The following SDK2 variants were observed in gnomAD, a reference collection of about 807,000 sequenced individuals.
SDK2 encodes the protein protein sidekick-2.
Under a neutral mutation model 253.9 loss-of-function variants are expected in SDK2, and 105 were observed. That is an observed-to-expected ratio of 0.41 (90% CI 0.35 to 0.49). SDK2 has a LOEUF of 0.49. SDK2 is among the 20% of genes least tolerant of loss of function. The pLI is 0.06. For missense variants in SDK2, 2,608 were observed against 3,003.0 expected (o/e 0.87, Z 3.07); for synonymous variants, 1,249 against 1,234.9 (o/e 1.01, Z -0.24).
rs944595515 is a variant in SDK2, at chr17:73,466,721, C to G, written c.331+5391G>C. 2.4e-4 allele frequency among the ~76,000 whole-genome samples: 35 copies of G among 146,222 alleles called. 2 individuals carry two copies. The highest frequency in any genetic ancestry group is 7.8e-4 in the African/African-American group (31 of 39,496). On this transcript the variant is annotated intron_variant, in intron 3 of 44. Transcript: ENST00000392650. Reference sequence around the variant, plus strand: ...TTTGGAGGCTCTGGGGAACGCCCCCCCCCCCCGGCTTAGGCTCTGCATCTT... The same window carrying G: ...TTTGGAGGCTCTGGGGAACGCCCCCGCCCCCCGGCTTAGGCTCTGCATCTT...
Position 73,348,653 on chromosome 17 carries a change from G to A in SDK2, c.6111C>T (p.Ile2037=), listed in dbSNP as rs1384197144. 2 of 1,613,040 alleles carry A rather than the reference G, an allele frequency of 1.2e-6. No individual in the cohort carries two copies. The highest frequency in any genetic ancestry group is 8.5e-7 in the Non-Finnish European group (1 of 1,179,850). ...CCGTCAGGCTGCTGCTCTCTGCAGG[G>A]ATGAGGTCGTTGTATTTGGTGACAT... ...DEDVTKYNDL[I]PAESSSLTEK... is the part of the protein sequence containing the mutation. The change falls in exon 44 of 45, where the codon ATC becomes ATT. Residue 2037 remains isoleucine, a synonymous_variant. Coordinates refer to ENST00000392650, the MANE Select transcript of SDK2 (RefSeq NM_001144952.2).
At chr17:73,487,009 C>T (rs2063773508) in intron 2 of SDK2, among the ~76,000 whole-genome samples, 1 of 152,208 alleles carries the variant, frequency 6.6e-6, no homozygotes, top group Non-Finnish European at 1.5e-5. Context: ...TCTCGGCTCA[C>T]TGCAACCTCT....
intron 1 of SDK2, among the ~76,000 whole-genome samples, chr17:73,576,167 A>T (rs2045456581): frequency 6.6e-6 from 1 of 152,206 alleles, no homozygotes. Context: ...AGATGATGAA[A>T]TCATGAGGAT....
At chr17:73,539,725 G>A (rs1387755313) in intron 1 of SDK2, among the ~76,000 whole-genome samples, 1 of 152,214 alleles carries the variant, frequency 6.6e-6, no homozygotes, top group Non-Finnish European at 1.5e-5. Context: ...TCTTTGCAGA[G>A]GTAATCAAGT....
At chr17:73,490,204 G>A (rs1033206092) in intron 2 of SDK2, among the ~76,000 whole-genome samples, 1 of 152,178 alleles carries the variant, frequency 6.6e-6, no homozygotes, top group African/African-American at 2.4e-5. Flanking sequence ...ACCTGTTTTT[G>A]GAGTGCCCCT....
chr17:73,512,472 G>A (rs925896357), intron 1 of SDK2, among the ~76,000 whole-genome samples: 1 of 151,964 alleles, frequency 6.6e-6, no homozygotes, highest in Admixed American at 6.6e-5. Context: ...GAGAAGGAAG[G>A]AGAATTGTGG....
chr17:73,396,607 T>A (rs2062972858), intron 24 of SDK2, among the ~76,000 whole-genome samples: 1 of 152,240 alleles, frequency 6.6e-6, no homozygotes, highest in African/African-American at 2.4e-5. Flanking sequence ...GGGGCTTAAG[T>A]GCAAGTTCCT....
At chr17:73,402,325 G>A (rs549034068) in intron 18 of SDK2, among the ~76,000 whole-genome samples, 184 bp from the exon 19 acceptor site, 11 of 152,352 alleles carry the variant, frequency 7.2e-5, no homozygotes, top group African/African-American at 2.4e-4. Context: ...ACTTTGGGGC[G>A]CTTCTCCACT....
chr17:73,346,175 T>C (rs1599468462), intron 44 of SDK2, among the ~76,000 whole-genome samples: 1 of 148,252 alleles, frequency 6.7e-6, no homozygotes, highest in Non-Finnish European at 1.5e-5. Context: ...ACCATCATAC[T>C]CCAGCCTAGG....
At chr17:73,630,837 G>A (rs2046259868) in intron 1 of SDK2, among the ~76,000 whole-genome samples, 1 of 151,976 alleles carries the variant, frequency 6.6e-6, no homozygotes, top group Admixed American at 6.6e-5. Flanking sequence ...GCTTGCCTTT[G>A]CCCAAGGCCC....
chr17:73,412,681 C>T (rs1009941687), intron 18 of SDK2, among the ~76,000 whole-genome samples: 2 of 151,968 alleles, frequency 1.3e-5, no homozygotes, highest in African/African-American at 4.8e-5. Context: ...TCTGGGAGGC[C>T]GAGGCAGTCG....
chr17:73,533,160 G>A (rs925346608), intron 1 of SDK2, among the ~76,000 whole-genome samples: 2 of 152,172 alleles, frequency 1.3e-5, no homozygotes, highest in Non-Finnish European at 1.5e-5. Context: ...GCCCAGAGAG[G>A]TCCCCTCATC....
intron 2 of SDK2, among the ~76,000 whole-genome samples, chr17:73,493,171 T>C (rs2063819067): frequency 7.0e-6 from 1 of 142,976 alleles, no homozygotes; most frequent in Non-Finnish European, 1.5e-5. Flanking sequence ...CCTGCACCCA[T>C]GTCTGTGCAC....
intron 1 of SDK2, among the ~76,000 whole-genome samples, chr17:73,632,217 T>C (rs113682191): frequency 0.05 from 7,602 of 152,282 alleles, 631 homozygotes; most frequent in African/African-American, 0.17. Context: ...GGTGTGTCTA[T>C]GAGGGTGTTG....
chr17:73,527,374 G>A (rs2064134225), intron 1 of SDK2, among the ~76,000 whole-genome samples: 1 of 152,198 alleles, frequency 6.6e-6, no homozygotes. Flanking sequence ...ATGCAAAGGA[G>A]AAACCTCTCA....
intron 40 of SDK2, among the ~76,000 whole-genome samples, chr17:73,356,974 G>GCAGGCC (rs1355703370): frequency 1.3e-5 from 2 of 152,212 alleles, no homozygotes; most frequent in African/African-American, 2.4e-5. Context: ...ATAAACAGGT[G>GCAGGCC]CAGGCCCTGG....
At position 73,424,088 on chromosome 17, in the gene SDK2, T is replaced by A; in HGVS notation, c.1588A>T (p.Ile530Phe). Reference sequence around the variant, plus strand: ...AGGGTGGCCCCGTCCTTCTCCCAGATGTACCTAAAAGTAAGAAGAACCCGT... The same window carrying A: ...AGGGTGGCCCCGTCCTTCTCCCAGAAGTACCTAAAAGTAAGAAGAACCCGT... ...THDPRVTIRY[I>F]WEKDGATLGT... is the part of the protein sequence containing the mutation. The change falls in exon 13 of 45, where the codon ATC becomes TTC. Residue 530 changes from isoleucine to phenylalanine, a missense_variant. By Grantham distance (21) the Ile-to-Phe change is conservative. Transcript: ENST00000392650. 6.2e-7 allele frequency: 1 copy of A among 1,611,362 alleles called. No homozygotes were observed. Among genetic ancestry groups the A allele is most frequent in the African/African-American group, 1.3e-5 (1 of 75,042 alleles).
chr17:73,566,317 A>ATGTGTG lies in SDK2; in HGVS notation c.65-58721_65-58720insCACACA, dbSNP rs763921480. Among the ~76,000 whole-genome samples the ATGTGTG allele has an allele frequency of 9.4e-3, 1,346 of 143,938 alleles. 17 individuals carry two copies. Among genetic ancestry groups the ATGTGTG allele is most frequent in the African/African-American group, 0.031 (1,161 of 37,360 alleles). 94.4% of individuals were successfully genotyped at this position (143,938 alleles called of 152,430 possible). A position where few individuals can be genotyped will look rare whatever the true frequency, so the allele number is the denominator to read the frequency against. On this transcript the variant is annotated intron_variant, in intron 1 of 44. Transcript: ENST00000392650. Reference sequence around the variant, plus strand: ...TAAGCCAAATAAAATTCTTATATATATATGTGTGTGTGTGTGTGTGTGTGT... The same window carrying ATGTGTG: ...TAAGCCAAATAAAATTCTTATATATATGTGTGTATGTGTGTGTGTGTGTGTGTGTGT...
chr17:73,475,830 T>C (rs2063682519), intron 2 of SDK2, among the ~76,000 whole-genome samples: 1 of 152,222 alleles, frequency 6.6e-6, no homozygotes, highest in South Asian at 2.1e-4. Flanking sequence ...CTTAATGTTT[T>C]ACATCATACA....
Sources: allele counts gnomAD v4.1 joint callset (sites outside exome capture counted in the v4.1 genomes callset), GRCh38; gene constraint gnomAD v4.1.1; transcripts MANE v1.5; gene names NCBI Gene and HGNC (gene_info 2026-07-23, HGNC 2026-07-21).